The following FANCA variants were observed in gnomAD, a reference collection of about 807,000 sequenced individuals.
FANCA encodes FA complementation group A.
Under a neutral mutation model 194.3 loss-of-function variants are expected in FANCA, and 236 were observed. That is an observed-to-expected ratio of 1.21 (90% CI 1.09 to 1.35). The LOEUF is 1.35. FANCA is among the 40% of genes most tolerant of loss of function. The pLI, the probability that FANCA is intolerant of heterozygous loss-of-function variation, is 0.00. For missense variants in FANCA, 2,628 were observed against 1,813.9 expected (o/e 1.45, Z -8.15); for synonymous variants, 1,014 against 715.8 (o/e 1.42, Z -6.65).
At chr16:89,754,104 C>A (rs1238809099) in intron 30 of FANCA, among the ~76,000 whole-genome samples, 1 of 151,924 alleles carries the variant, frequency 6.6e-6, no homozygotes, top group Non-Finnish European at 1.5e-5. Flanking sequence ...TGCCTGTAAT[C>A]CCAGCTACTC....
At chr16:89,806,037 A>C (rs6500455) in intron 6 of FANCA, among the ~76,000 whole-genome samples, 80,638 of 151,936 alleles carry the variant, frequency 0.53, 23,629 homozygotes, top group East Asian at 0.98. Flanking sequence ...CTCAGCCTCC[A>C]CAACGGCTGG....
chr16:89,746,902 T>C lies in FANCA; in HGVS notation c.3349-12A>G. 1.3e-6 allele frequency: 2 copies of C among 1,552,678 alleles called. No homozygotes were observed. Among genetic ancestry groups the C allele is most frequent in the South Asian group, 1.2e-5 (1 of 84,272 alleles). On this transcript the variant is annotated splice_polypyrimidine_tract_variant and intron_variant, in intron 33 of 42. Transcript: ENST00000389301. ...GAGCAGAAGTTTCTCTGCAAAAGAG[T>C]TCAAGGCAGGTAAGAAAAGCCCACA...
At chr16:89,790,067 G>A (rs1242447960) in intron 14 of FANCA, among the ~76,000 whole-genome samples, 1 of 152,200 alleles carries the variant, frequency 6.6e-6, no homozygotes, top group Non-Finnish European at 1.5e-5. Flanking sequence ...ATGTGATACG[G>A]CTGAAGAAAT....
chr16:89,794,754 T>A (rs1042383999), intron 11 of FANCA, among the ~76,000 whole-genome samples: 7 of 152,132 alleles, frequency 4.6e-5, no homozygotes, highest in African/African-American at 1.7e-4. Context: ...GCTCAAAGTG[T>A]TCATCGTGGC....
Position 89,805,235 on chromosome 16 carries a change from C to A in FANCA, c.709+45G>T, listed in dbSNP as rs1234778664. 2.7e-6 allele frequency: 4 copies of A among 1,463,342 alleles called. No individual in the cohort carries two copies. The East Asian group carries it at 6.8e-5, about 25-fold the overall frequency. The allele number at this position is 1,463,342 out of a possible 1,614,324, so 90.6% of individuals were successfully genotyped here. A position where few individuals can be genotyped will look rare whatever the true frequency, so the allele number is the denominator to read the frequency against. ...GAGAGCAGAAGGCATTATCACAGAT[C>A]AAAATGAGTTTTACCCAAGAACCCG... On this transcript the variant is annotated intron_variant, in intron 7 of 42. Coordinates refer to ENST00000389301, the MANE Select transcript of FANCA (RefSeq NM_000135.4).
chr16:89,812,213 C>A (rs558829975), intron 3 of FANCA, among the ~76,000 whole-genome samples: 1 of 151,774 alleles, frequency 6.6e-6, no homozygotes, highest in Admixed American at 6.6e-5. Context: ...GTGACGGGAG[C>A]CTGTAGTCCC....
rs762104454 is a variant in FANCA at position 89,770,617 on chromosome 16, C to T, written c.2169G>A (p.Leu723=). The change falls in exon 24 of 43, where the codon CTG becomes CTA. Residue 723 remains leucine, a synonymous_variant. Coordinates refer to ENST00000389301, the MANE Select transcript of FANCA (RefSeq NM_000135.4). ...PREHMAVDLL[L]TSFCQNLMAA... is the part of the protein sequence containing the mutation. ...CCATCAGGTTCTGACAGAAAGACGTCAGCAGGAGGTCCACAGCCTGCAGAG... is the reference window on the plus strand; with the variant it reads ...CCATCAGGTTCTGACAGAAAGACGTTAGCAGGAGGTCCACAGCCTGCAGAG... The T allele has an allele frequency of 1.2e-6, 2 of 1,611,232 alleles. No individual in the cohort carries two copies. Among genetic ancestry groups the T allele is most frequent in the East Asian group, 2.2e-5 (1 of 44,800 alleles).
At chr16:89,774,966 T>C (rs12596429) in intron 21 of FANCA, among the ~76,000 whole-genome samples, 100,841 of 151,460 alleles carry the variant, frequency 0.67, 34,421 homozygotes, top group East Asian at 0.99. Flanking sequence ...TAGTAGTGCG[T>C]GCCTATAATC....
In FANCA at chr16:89,769,950, C is replaced by T. The variant is rs147882314; in HGVS notation, c.2391G>A (p.Ala797=). 1.4e-3 allele frequency: 2,213 copies of T among 1,614,044 alleles called. 3 individuals are homozygous for T. Among genetic ancestry groups the T allele is most frequent in the Non-Finnish European group, 1.7e-3 (2,065 of 1,180,010 alleles). ...GAGGACCCACATCCACCTCTGGGAGCGCAGACCTGGACTCACCCAGGTGCA... is the reference window on the plus strand; with the variant it reads ...GAGGACCCACATCCACCTCTGGGAGTGCAGACCTGGACTCACCCAGGTGCA... ...LAVHLGESRS[A]LPEVDVGPPA... is the part of the protein sequence containing the mutation. The change falls in exon 26 of 43, where the codon GCG becomes GCA. Residue 797 remains alanine (A), a synonymous_variant. Transcript: ENST00000389301.
In FANCA at chr16:89,782,889, C is replaced by T; in HGVS notation, c.1596G>A (p.Glu532=). 1 of 1,614,096 alleles carries T rather than the reference C, an allele frequency of 6.2e-7. No homozygotes were observed. Among genetic ancestry groups the T allele is most frequent in the Non-Finnish European group, 8.5e-7 (1 of 1,179,970 alleles). The change falls in exon 17 of 43, where the codon GAG becomes GAA. Residue 532 remains glutamate, a synonymous_variant. Coordinates refer to ENST00000389301, the MANE Select transcript of FANCA (RefSeq NM_000135.4). ...TAATGTCCCCAGCTGATGACAAATC[C>T]TCGTAGAGTCCCATGTTTTCTATAG... ...KVSIENMGLY[E]DLSSAGDITE...
chr16:89,790,390 C>T (rs552657997), intron 14 of FANCA, among the ~76,000 whole-genome samples: 1 of 146,064 alleles, frequency 6.8e-6, no homozygotes, highest in Non-Finnish European at 1.5e-5. Flanking sequence ...TGAGACTCCA[C>T]CTCAAAAAAA....
intron 1 of FANCA, chr16:89,816,262 C>A: frequency 3.3e-6 from 1 of 304,534 alleles, no homozygotes; most frequent in Non-Finnish European, 6.1e-6. Context: ...GGCCGCGCAC[C>A]CCAGGCCCGC....
At position 89,795,977 on chromosome 16, in the gene FANCA, GA is replaced by G. The variant is rs761195580; in HGVS notation, c.934del (p.Ser312ProfsTer5). ...FSGHTLGSVI[S>X]TDPLKRFFSH... Reference sequence around the variant, plus strand: ...GAAGAACCTCTTCAGAGGATCTGTGGAAATTACACTGCCAAGCGTGTGTCCA... The same window carrying G: ...GAAGAACCTCTTCAGAGGATCTGTGGAATTACACTGCCAAGCGTGTGTCCA... On this transcript the variant is annotated frameshift_variant, in exon 11 of 43. Transcript: ENST00000389301. LOFTEE classifies it high-confidence loss of function. The G allele has an allele frequency of 6.2e-7, 1 of 1,614,178 alleles. No homozygotes were observed. The highest frequency in any genetic ancestry group is 1.1e-5 in the South Asian group (1 of 91,086).
Position 89,792,547 on chromosome 16 carries a change from G to A in FANCA, c.1007C>T (p.Ala336Val). 2 of 1,612,898 alleles carry A rather than the reference G, an allele frequency of 1.2e-6. No individual in the cohort carries two copies. Among genetic ancestry groups the A allele is most frequent in the Non-Finnish European group, 1.7e-6 (2 of 1,179,870 alleles). Reference sequence around the variant, plus strand: ...TCTCTGCATCTGAACAGCATCAGATGCTGCAGGGGGAGAAACAGACAAAAA... The same window carrying A: ...TCTCTGCATCTGAACAGCATCAGATACTGCAGGGGGAGAAACAGACAAAAA... Reference protein sequence around the residue: ...QILTHSPVLKASDAVQMQREW... With the variant: ...QILTHSPVLKVSDAVQMQREW... The change falls in exon 12 of 43, where the codon GCA becomes GTA. Residue 336 changes from alanine to valine, a missense_variant and splice_region_variant. By Grantham distance (64) the Ala-to-Val change is moderately conservative. Coordinates refer to ENST00000389301, the MANE Select transcript of FANCA (RefSeq NM_000135.4).
Position 89,740,921 on chromosome 16 carries a change from C to G in FANCA, c.3766-55G>C, listed in dbSNP as rs553160450. On this transcript the variant is annotated intron_variant, in intron 37 of 42. Transcript: ENST00000389301. ...CATTAAAATTACCTGTGCTGTCATT[C>G]TAAATAAGGCTGACACATTCCTCTT... is the stretch of plus-strand genomic sequence containing the variant. 2.8e-4 allele frequency: 401 copies of G among 1,455,428 alleles called. 6 individuals carry two copies. In the South Asian group the frequency reaches 4.4e-3, roughly 16 times the overall value. 90.2% of individuals were successfully genotyped at this position (1,455,428 alleles called of 1,614,324 possible).
intron 30 of FANCA, among the ~76,000 whole-genome samples, chr16:89,753,784 G>C (rs1249732798): frequency 6.6e-6 from 1 of 152,194 alleles, no homozygotes. Context: ...GACAGACACG[G>C]TGGCTCACGC....
At chr16:89,765,481 C>T (rs966209367) in intron 27 of FANCA, among the ~76,000 whole-genome samples, 4 of 152,286 alleles carry the variant, frequency 2.6e-5, no homozygotes, top group Non-Finnish European at 5.9e-5. Context: ...TGCAGACCTT[C>T]CTGCCATCTG....
intron 20 of FANCA, among the ~76,000 whole-genome samples, chr16:89,777,635 T>C (rs1006548): frequency 0.41 from 61,841 of 151,774 alleles, 15,382 homozygotes; most frequent in East Asian, 0.75. Context: ...TTATAAATTT[T>C]GCTGGAATAT....
intron 17 of FANCA, among the ~76,000 whole-genome samples, chr16:89,782,109 C>T (rs2039733785): frequency 6.6e-6 from 1 of 151,934 alleles, no homozygotes; most frequent in African/African-American, 2.4e-5. Flanking sequence ...GGAGCAGTGG[C>T]TCACACCTAT....
Sources: gnomAD v4.1 joint callset for allele counts (sites outside exome capture counted in the v4.1 genomes callset) on GRCh38, gnomAD v4.1.1 for gene constraint, MANE v1.5 for transcripts, NCBI Gene and HGNC (gene_info 2026-07-23, HGNC 2026-07-21) for gene names.